The following ADHFE1 variants were observed in gnomAD, a reference collection of about 807,000 sequenced individuals.
The protein encoded by ADHFE1 is hydroxyacid-oxoacid transhydrogenase, mitochondrial.
A neutral mutation model predicts 54.8 loss-of-function variants in ADHFE1; 37 were observed. The observed-to-expected ratio is 0.68, with a 90% CI of 0.52 to 0.89. The LOEUF (loss-of-function observed/expected upper bound fraction) is 0.89. Ranked by LOEUF, ADHFE1 falls within the 40% of genes least tolerant of loss-of-function variation. The pLI is 0.00. For synonymous variants in ADHFE1, 203 were observed against 229.3 expected (o/e 0.89, Z 1.04); for missense variants, 601 against 591.2 (o/e 1.02, Z -0.17).
At chr8:66,463,900 C>A (rs1005722473) in intron 13 of ADHFE1, among the ~76,000 whole-genome samples, 1 of 152,180 alleles carries the variant, frequency 6.6e-6, no homozygotes, top group Admixed American at 6.5e-5. Flanking sequence ...TAATAGCAGC[C>A]CTGTGTACAG....
Position 66,468,376 on chromosome 8 carries a change from A to T in ADHFE1, c.*24A>T. 1 of 1,594,812 alleles carries T rather than the reference A, an allele frequency of 6.3e-7. No homozygotes were observed. The highest frequency in any genetic ancestry group is 8.6e-7 in the Non-Finnish European group (1 of 1,166,680). ...AATTGTCATTTTAACTGAAAGAATT[A>T]CCGCTGGCCATTGTAGTGCTGAGAG... On this transcript the variant is annotated 3_prime_UTR_variant, in exon 14 of 14. Coordinates refer to ENST00000396623, the MANE Select transcript of ADHFE1 (RefSeq NM_144650.3).
intron 1 of ADHFE1, among the ~76,000 whole-genome samples, chr8:66,435,942 G>A (rs938828338): frequency 2.9e-5 from 4 of 137,084 alleles, no homozygotes; most frequent in African/African-American, 5.5e-5. Context: ...TTGAGATGGA[G>A]TCTCGCTCTG....
At chr8:66,445,125 AC>A in intron 5 of ADHFE1, 92 bp from the exon 6 acceptor site, 1 of 1,257,292 alleles carries the variant, frequency 8.0e-7, no homozygotes, top group Non-Finnish European at 1.1e-6. Context: ...AACAAAAAAA[AC>A]CCCACAAAAC....
chr8:66,438,821 T>C (rs1459394574), intron 1 of ADHFE1, among the ~76,000 whole-genome samples: 2 of 147,976 alleles, frequency 1.4e-5, no homozygotes, highest in Non-Finnish European at 3.0e-5. Flanking sequence ...AAACCACAAG[T>C]AAGAAGTAGA....
intron 2 of ADHFE1, 52 bp downstream of exon 2, chr8:66,440,251 C>A: frequency 6.6e-7 from 1 of 1,524,332 alleles, no homozygotes; most frequent in Admixed American, 1.8e-5. Context: ...CTGCATTTGG[C>A]ATTATAATAC....
intron 12 of ADHFE1, 180 bp from the exon 13 acceptor site, chr8:66,460,128 A>C (rs1806819010): frequency 1.5e-6 from 1 of 675,958 alleles, no homozygotes; most frequent in Non-Finnish European, 2.5e-6. Context: ...CCGAAATGTC[A>C]GAGCTAAGTG....
In ADHFE1 at chr8:66,452,223, A is replaced by G. The variant is rs936492619; in HGVS notation, c.887+118A>G. ...GCAGGTCTGTTCCAGAAAAGCAGTC[A>G]GTGGATGCGCAGAAGCCCCAGACAC... On this transcript the variant is annotated intron_variant, in intron 9 of 13. Coordinates refer to ENST00000396623, the MANE Select transcript of ADHFE1 (RefSeq NM_144650.3). 8 of 1,365,384 alleles carry G rather than the reference A, an allele frequency of 5.9e-6. No individual in the cohort carries two copies. In the African/African-American group the frequency reaches 1.0e-4, roughly 17 times the overall value. 84.6% of individuals were successfully genotyped at this position (1,365,384 alleles called of 1,614,324 possible). A position where few individuals can be genotyped will look rare whatever the true frequency, so the allele number is the denominator to read the frequency against.
chr8:66,461,886 A>C (rs1182620500), intron 13 of ADHFE1, among the ~76,000 whole-genome samples: 1 of 152,250 alleles, frequency 6.6e-6, no homozygotes, highest in African/African-American at 2.4e-5. Flanking sequence ...GAAACAAAGG[A>C]GTCTCAAAGT....
intron 6 of ADHFE1, among the ~76,000 whole-genome samples, chr8:66,446,485 T>A (rs973177647): frequency 6.6e-6 from 1 of 152,240 alleles, no homozygotes; most frequent in African/African-American, 2.4e-5. Context: ...CAGAGCTCAC[T>A]GCTATTAATA....
chr8:66,443,264 ATTTTTTTTTTT>A (rs540464621), intron 3 of ADHFE1, among the ~76,000 whole-genome samples: 1,731 of 86,112 alleles, frequency 0.02, 38 homozygotes, highest in South Asian at 0.045. Context: ...TAGTCCAGGA[ATTTTTTTTTTT>A]TTTTTTTTTT....
chr8:66,442,015 C>T (rs7005366), intron 2 of ADHFE1, among the ~76,000 whole-genome samples: 90,261 of 151,370 alleles, frequency 0.6, 27,821 homozygotes, highest in African/African-American at 0.73. Context: ...GATAAATAAG[C>T]TTTTTATATG....
At chr8:66,436,400 T>G (rs567813437) in intron 1 of ADHFE1, among the ~76,000 whole-genome samples, 1 of 147,716 alleles carries the variant, frequency 6.8e-6, no homozygotes, top group South Asian at 2.1e-4. Flanking sequence ...AGGGAAGGTA[T>G]GCAGAGGTGA....
chr8:66,452,189 A>G (rs958065550), intron 9 of ADHFE1, 84 bp downstream of exon 9: 1 of 1,529,088 alleles, frequency 6.5e-7, no homozygotes, highest in Admixed American at 1.9e-5. Flanking sequence ...TGAGCCTGAA[A>G]TATCCTGAGC....
In ADHFE1 at chr8:66,439,048, T is replaced by TGGCCCGGCCC. The variant is rs201366185; in HGVS notation, c.60-1108_60-1107insGCCCGGCCCG. Among the ~76,000 whole-genome samples the TGGCCCGGCCC allele has an allele frequency of 6.6e-6, 1 of 151,600 alleles. No individual in the cohort carries two copies. The highest frequency in any genetic ancestry group is 1.5e-5 in the Non-Finnish European group (1 of 67,858). ...CCACCGTGAAGGGACAAGCCTGGCCTGGCCCGCGTCCTCTCCCCCGGCGCG... is the reference window on the plus strand; with the variant it reads ...CCACCGTGAAGGGACAAGCCTGGCCTGGCCCGGCCCGGCCCGCGTCCTCTCCCCCGGCGCG... On this transcript the variant is annotated intron_variant, in intron 1 of 13. Transcript: ENST00000396623. This position sits in a 1 kb window ranked among gnomAD's most constrained non-coding sequence, Gnocchi z 4.4.
chr8:66,468,136 G>A (rs1445886005), intron 13 of ADHFE1, 133 bp from the exon 14 acceptor site: 4 of 618,048 alleles, frequency 6.5e-6, no homozygotes, highest in Non-Finnish European at 1.1e-5. Flanking sequence ...AAGTATACAA[G>A]AAATACCGTT....
At chr8:66,433,848 A>G (rs1223520152) in intron 1 of ADHFE1, among the ~76,000 whole-genome samples, 1 of 152,268 alleles carries the variant, frequency 6.6e-6, no homozygotes, top group Admixed American at 6.5e-5. Context: ...GCTACAAAAA[A>G]TACTAAAGCT....
chr8:66,434,719 A>T (rs1449329253), intron 1 of ADHFE1, among the ~76,000 whole-genome samples: 1 of 152,202 alleles, frequency 6.6e-6, no homozygotes, highest in East Asian at 1.9e-4. Context: ...TGACAACTGA[A>T]TGGAGGGGAA....
chr8:66,451,867 A>T, intron 8 of ADHFE1, 86 bp from the exon 9 acceptor site: 1 of 1,521,468 alleles, frequency 6.6e-7, no homozygotes, highest in South Asian at 1.2e-5. Context: ...TGAGTGCCAA[A>T]CAGCTCCAAG....
intron 12 of ADHFE1, 150 bp from the exon 13 acceptor site, chr8:66,460,158 G>T: frequency 1.1e-6 from 1 of 951,862 alleles, no homozygotes; most frequent in South Asian, 1.6e-5. Context: ...AGCCAACTTG[G>T]GCCCTCCTGG....
Sources: gnomAD v4.1 joint callset for allele counts (sites outside exome capture counted in the v4.1 genomes callset) on GRCh38, gnomAD v4.1.1 for gene constraint, Gnocchi (gnomAD v3.1) non-coding constraint, MANE v1.5 for transcripts, NCBI Gene and HGNC (gene_info 2026-07-23, HGNC 2026-07-21) for gene names.